Variants in PPID observed in about 807,000 individuals in gnomAD.
PPID encodes the protein peptidylprolyl isomerase D.
In PPID, 47 loss-of-function variants were observed where a neutral mutation model predicts 48.1. The observed-to-expected ratio is 0.98, with a 90% CI of 0.77 to 1.25. The LOEUF (loss-of-function observed/expected upper bound fraction) is 1.25, where lower values mean the gene tolerates loss of function less well. Ranked by LOEUF, PPID falls within the 50% of genes most tolerant of loss-of-function variation. The pLI is 0.00. For missense variants in PPID, 429 were observed against 443.5 expected (o/e 0.97, Z 0.29); for synonymous variants, 163 against 148.8 (o/e 1.10, Z -0.69).
At chr4:158,721,531 A>C in intron 1 of PPID, 48 bp from the exon 2 acceptor site, 1 of 1,574,170 alleles carries the variant, frequency 6.4e-7, no homozygotes, top group Non-Finnish European at 8.7e-7. Flanking sequence ...CCAAATAGAC[A>C]AATGATAAAA....
In PPID at chr4:158,713,148, A is replaced by T; in HGVS notation, c.865T>A (p.Trp289Arg). 1 of 1,614,078 alleles carries T rather than the reference A, an allele frequency of 6.2e-7. No individual in the cohort carries two copies. Among genetic ancestry groups the T allele is most frequent in the South Asian group, 1.1e-5 (1 of 91,080 alleles). Residue 289 changes from tryptophan (W) to arginine (R), a missense_variant, in exon 7 of 10, where the codon TGG becomes AGG. Trp to Arg is a moderately radical substitution (Grantham distance 101). Coordinates refer to ENST00000307720, the MANE Select transcript of PPID (RefSeq NM_005038.3). Reference protein sequence around the residue: ...IGACKLKMSNWQGAIDSCLEA... With the variant: ...IGACKLKMSNRQGAIDSCLEA... ...AAACAACTGTCAATTGCTCCCTGCC[A>T]ATTTGACATCTTCAGTTTACAAGCA...
At chr4:158,716,559 T>TAAA (rs33958032) in intron 4 of PPID, among the ~76,000 whole-genome samples, 29,667 of 137,976 alleles carry the variant, frequency 0.22, 3,380 homozygotes, top group South Asian at 0.28. Flanking sequence ...GTAGAAAAGT[T>TAAA]AAAAAAAAAA....
At chr4:158,720,413 GATT>G (rs1774938199) in intron 2 of PPID, among the ~76,000 whole-genome samples, 1 of 151,966 alleles carries the variant, frequency 6.6e-6, no homozygotes, top group Non-Finnish European at 1.5e-5. Flanking sequence ...TTGCTCTTGT[GATT>G]ATTGCTTATT....
chr4:158,711,490 G>T (rs1774790975), intron 7 of PPID, among the ~76,000 whole-genome samples: 1 of 151,838 alleles, frequency 6.6e-6, no homozygotes, highest in African/African-American at 2.4e-5. Flanking sequence ...GCCTCCCTAA[G>T]TGCTGGAATT....
Position 158,715,394 on chromosome 4 carries a change from T to C in PPID, c.655A>G (p.Ile219Val), listed in dbSNP as rs770969643. 6.6e-7 allele frequency: 1 copy of C among 1,509,760 alleles called. No individual in the cohort carries two copies. The highest frequency in any genetic ancestry group is 8.9e-7 in the Non-Finnish European group (1 of 1,125,452). The allele number at this position is 1,509,760 out of a possible 1,614,324, so 93.5% of individuals were successfully genotyped here. ...TTTAAGTCTTCTGTTATTAATAAAATTTTATCTACCTGTATAAAAAAATAC... is the reference window on the plus strand; with the variant it reads ...TTTAAGTCTTCTGTTATTAATAAAACTTTATCTACCTGTATAAAAAAATAC... ...ADIDLKDVDK[I>V]LLITEDLKNI... Residue 219 changes from isoleucine (I) to valine (V), a missense_variant, in exon 6 of 10, where the codon ATT (isoleucine) becomes GTT (valine). Coordinates refer to ENST00000307720, the MANE Select transcript of PPID (RefSeq NM_005038.3).
Position 158,721,340 on chromosome 4 carries a change from T to C in PPID, c.226+3A>G, listed in dbSNP as rs1774955698. The C allele has an allele frequency of 1.2e-6, 2 of 1,613,688 alleles. No individual in the cohort carries two copies. Among genetic ancestry groups the C allele is most frequent in the East Asian group, 2.2e-5 (1 of 44,874 alleles). Reference sequence around the variant, plus strand: ...TAACAAGATTAAGAAAATTTACACATACTTCGATGAAAAGGGCATCCTTTG... The same window carrying C: ...TAACAAGATTAAGAAAATTTACACACACTTCGATGAAAAGGGCATCCTTTG... On this transcript the variant is annotated splice_donor_region_variant and intron_variant, in intron 2 of 9. Transcript: ENST00000307720.
intron 6 of PPID, 84 bp from the exon 7 acceptor site, chr4:158,713,344 TTC>T: frequency 8.0e-7 from 1 of 1,256,824 alleles, no homozygotes; most frequent in African/African-American, 1.5e-5. Context: ...GTTATGTCAT[TTC>T]TGATATAAAA....
chr4:158,719,525 C>T (rs1381735064), intron 2 of PPID, among the ~76,000 whole-genome samples: 2 of 152,172 alleles, frequency 1.3e-5, no homozygotes, highest in Admixed American at 1.3e-4. Flanking sequence ...TCAAATGATA[C>T]CTCCCCTATA....
intron 2 of PPID, 92 bp from the exon 3 acceptor site, chr4:158,719,378 T>C: frequency 1.3e-6 from 1 of 790,170 alleles, no homozygotes; most frequent in Non-Finnish European, 2.1e-6. Flanking sequence ...AACTTTGTAG[T>C]GCATGACTCT....
chr4:158,718,362 T>G (rs1774904012), intron 3 of PPID, among the ~76,000 whole-genome samples: 1 of 152,218 alleles, frequency 6.6e-6, no homozygotes, highest in Non-Finnish European at 1.5e-5. Flanking sequence ...TCAGACTGCA[T>G]AAATCACATC....
At position 158,713,206 on chromosome 4, in the gene PPID, T is replaced by G. The variant is rs769087843; in HGVS notation, c.807A>C (p.Gln269His). 6.2e-7 allele frequency: 1 copy of G among 1,613,940 alleles called. No homozygotes were observed. Among genetic ancestry groups the G allele is most frequent in the East Asian group, 2.2e-5 (1 of 44,852 alleles). ...TCAGTACACAGCTTAAAGCTATAGG[T>G]TGCAGCTTGGCTCTATCTGCTGTCT... ...VIETADRAKL[Q>H]PIALSCVLNI... The change falls in exon 7 of 10, where the codon CAA becomes CAC. Residue 269 changes from glutamine (Q) to histidine (H), a missense_variant. Transcript: ENST00000307720.
intron 4 of PPID, 45 bp from the exon 5 acceptor site, chr4:158,715,729 TGA>T (rs1392050605): frequency 1.9e-6 from 3 of 1,575,694 alleles, no homozygotes; most frequent in South Asian, 1.1e-5. Context: ...ATCGTAATAA[TGA>T]GAGATAAAAG....
chr4:158,716,559 T>TAAAAA (rs33958032), intron 4 of PPID, among the ~76,000 whole-genome samples: 5 of 138,242 alleles, frequency 3.6e-5, no homozygotes, highest in Non-Finnish European at 6.3e-5. Flanking sequence ...GTAGAAAAGT[T>TAAAAA]AAAAAAAAAA....
chr4:158,710,387 C>G (rs1490861089), intron 9 of PPID: 4 of 581,864 alleles, frequency 6.9e-6, no homozygotes, highest in South Asian at 2.1e-5. Context: ...GAGATGATAA[C>G]TTGAAGAATA....
chr4:158,719,646 CCTT>C (rs1434725068), intron 2 of PPID, among the ~76,000 whole-genome samples: 4 of 152,136 alleles, frequency 2.6e-5, no homozygotes, highest in African/African-American at 4.8e-5. Context: ...GCAATGATCT[CCTT>C]AAGTACACCA....
rs546098426 is a variant in PPID at position 158,716,901 on chromosome 4, C to T, written c.522+111G>A. 1,174 of 1,058,182 alleles carry T rather than the reference C, an allele frequency of 1.1e-3. 1 individual carries two copies. Among genetic ancestry groups the T allele is most frequent in the Non-Finnish European group, 1.5e-3 (1,064 of 717,260 alleles). The allele number at this position is 1,058,182 out of a possible 1,614,324, so 65.5% of individuals were successfully genotyped here. On this transcript the variant is annotated intron_variant, in intron 4 of 9. Coordinates refer to ENST00000307720, the MANE Select transcript of PPID (RefSeq NM_005038.3). ...GCTTGAACCTGGGAGACAGAGGCTG[C>T]AGTGAGCCGAGACCGCACCACTGCA...
chr4:158,711,405 TTA>T (rs201761293), intron 7 of PPID, among the ~76,000 whole-genome samples: 2,318 of 151,576 alleles, frequency 0.015, 51 homozygotes, highest in African/African-American at 0.052. Flanking sequence ...TTTTTTTTTT[TTA>T]GAGACAGGGT....
chr4:158,714,608 T>G (rs1162536598), intron 6 of PPID, among the ~76,000 whole-genome samples: 1 of 150,634 alleles, frequency 6.6e-6, no homozygotes, highest in Non-Finnish European at 1.5e-5. Flanking sequence ...TTTTTTTTTT[T>G]GAGACAGAAT....
chr4:158,722,606 C>A (rs1022890494), intron 1 of PPID, among the ~76,000 whole-genome samples: 19 of 152,212 alleles, frequency 1.2e-4, no homozygotes, highest in Admixed American at 1.3e-4. Flanking sequence ...ATTCACCAGG[C>A]CTTAGGAACT....
Sources: allele counts gnomAD v4.1 joint callset (sites outside exome capture counted in the v4.1 genomes callset), GRCh38; gene constraint gnomAD v4.1.1; transcripts MANE v1.5; gene names NCBI Gene and HGNC (gene_info 2026-07-23, HGNC 2026-07-21).